Variants in DICER1 observed in about 807,000 individuals in gnomAD.
DICER1 encodes the protein endoribonuclease Dicer.
In DICER1, 43 loss-of-function variants were observed where a neutral mutation model predicts 194.1. That is an observed-to-expected ratio of 0.22 (90% CI 0.17 to 0.29). DICER1 has a LOEUF of 0.29. DICER1 is among the 10% of genes least tolerant of loss of function. The pLI is 1.00. For missense variants in DICER1, 1,608 were observed against 2,317.0 expected (o/e 0.69, Z 6.28); for synonymous variants, 832 against 820.5 (o/e 1.01, Z -0.24).
intron 6 of DICER1, 191 bp downstream of exon 6, chr14:95,129,281 G>A (rs1373729337): frequency 7.0e-6 from 4 of 574,450 alleles, no homozygotes; most frequent in African/African-American, 1.9e-5. Context: ...GCTACTCTCT[G>A]TGGAAACAAC....
intron 1 of DICER1, among the ~76,000 whole-genome samples, chr14:95,139,006 A>T (rs1351127368): frequency 1.3e-5 from 2 of 151,360 alleles, no homozygotes; most frequent in Non-Finnish European, 3.0e-5. Context: ...AAAAAAAAAA[A>T]AAAAGAATGC....
chr14:95,125,687 A>C (rs1175521850), intron 7 of DICER1, among the ~76,000 whole-genome samples: 1 of 33,262 alleles, frequency 3.0e-5, no homozygotes, highest in African/African-American at 1.5e-4. Flanking sequence ...GGGGACAGGG[A>C]GGGGGAGGAG....
In DICER1 at chr14:95,117,659, T is replaced by C. The variant is rs2140137627; in HGVS notation, c.1472A>G (p.Asn491Ser). ...GHGIGKNQPRNKQMEAEFRKQ... is the reference protein window; with the variant it reads ...GHGIGKNQPRSKQMEAEFRKQ... ...TCTGAATTCTGCTTCCATCTGTTTG[T>C]TGCGAGGCTGATTCTTCCCAATGCC... The change falls in exon 9 of 27, where the codon AAC becomes AGC. Residue 491 changes from asparagine (N) to serine (S), a missense_variant. Coordinates refer to ENST00000343455, the MANE Select transcript of DICER1 (RefSeq NM_177438.3). 1.2e-6 allele frequency: 2 copies of C among 1,614,122 alleles called. No homozygotes were observed. The highest frequency in any genetic ancestry group is 1.7e-6 in the Non-Finnish European group (2 of 1,179,964).
intron 1 of DICER1, chr14:95,140,767 T>C (rs1191578147): frequency 2.6e-5 from 4 of 152,156 alleles, no homozygotes; most frequent in African/African-American, 9.6e-5. Flanking sequence ...GCTCTAAAAA[T>C]AAATGCAAAA....
Position 95,088,373 on chromosome 14 carries a change from T to C in DICER1, c.*2125A>G, listed in dbSNP as rs1399827995. On this transcript the variant is annotated 3_prime_UTR_variant, in exon 27 of 27. Transcript: ENST00000343455. ...GAGAATCCCGTAACACTGGGATCAA[T>C]GTATTAGACACAATGCAAAGCCCTA... 6 of 232,520 alleles carry C rather than the reference T, an allele frequency of 2.6e-5. No homozygotes were observed. The highest frequency in any genetic ancestry group is 1.7e-4 in the Admixed American group (3 of 17,756). The allele number at this position is 232,520 out of a possible 1,614,324, so 14.4% of individuals were successfully genotyped here. A position where few individuals can be genotyped will look rare whatever the true frequency, so the allele number is the denominator to read the frequency against.
At chr14:95,149,865 C>A (rs1895399851) in intron 1 of DICER1, among the ~76,000 whole-genome samples, 2 of 152,074 alleles carry the variant, frequency 1.3e-5, no homozygotes, top group Non-Finnish European at 2.9e-5. Context: ...TTTAAACAAC[C>A]CAAATTATTT....
intron 24 of DICER1, among the ~76,000 whole-genome samples, chr14:95,091,919 G>A (rs894098724): frequency 1.3e-5 from 2 of 152,150 alleles, no homozygotes; most frequent in Non-Finnish European, 2.9e-5. Context: ...CCGAGTATCT[G>A]ACATAGCATG....
intron 24 of DICER1, 88 bp from the exon 25 acceptor site, chr14:95,091,453 CT>C (rs1161677503): frequency 2.5e-6 from 3 of 1,209,720 alleles, no homozygotes; most frequent in African/African-American, 3.0e-5. Context: ...GGATATATGA[CT>C]TTTGTTACTT....
intron 24 of DICER1, 53 bp downstream of exon 24, chr14:95,093,833 TAC>T (rs1457202153): frequency 2.5e-5 from 40 of 1,590,872 alleles, no homozygotes; most frequent in Non-Finnish European, 3.2e-5. Flanking sequence ...ACTCTGAAAC[TAC>T]AGAGACTCCT....
At chr14:95,090,954 T>A in intron 26 of DICER1, 80 bp downstream of exon 26, 2 of 1,315,974 alleles carry the variant, frequency 1.5e-6, no homozygotes, top group Non-Finnish European at 2.2e-6. Flanking sequence ...TTCAGAATCA[T>A]TAGTTTACAA....
chr14:95,102,631 A>G (rs926360888), intron 21 of DICER1, among the ~76,000 whole-genome samples: 1 of 152,198 alleles, frequency 6.6e-6, no homozygotes, highest in East Asian at 1.9e-4. Flanking sequence ...GCTGCAAGTG[A>G]TCAGCAGCTT....
rs1357894679 is a variant in DICER1 at position 95,130,258 on chromosome 14, CA to C, written c.439-67del. 11 of 1,484,258 alleles carry C rather than the reference CA, an allele frequency of 7.4e-6. No homozygotes were observed. In the East Asian group the frequency reaches 2.3e-4, roughly 31 times the overall value. 91.9% of individuals were successfully genotyped at this position (1,484,258 alleles called of 1,614,324 possible). On this transcript the variant is annotated intron_variant, in intron 4 of 26. Coordinates refer to ENST00000343455, the MANE Select transcript of DICER1 (RefSeq NM_177438.3). ...CTGCCTGGATATACTTACATAAAAT[CA>C]GATCATAGAGCCATTGTATCATAAG...
rs144050682 is a variant in DICER1 at position 95,138,200 on chromosome 14, AT to A, written c.-45-4698del. ...GTTCCTGGCATTTCAAAGGACAGAG[AT>A]TTTTTTTTTTTCTTAGCAAACACAA... is the stretch of plus-strand genomic sequence containing the variant. On this transcript the variant is annotated intron_variant, in intron 1 of 26. Transcript: ENST00000343455. 9.0e-3 allele frequency among the ~76,000 whole-genome samples: 1,327 copies of A among 147,484 alleles called. 13 individuals carry two copies. The highest frequency in any genetic ancestry group is 0.014 in the Non-Finnish European group (942 of 66,446).
At position 95,111,775 on chromosome 14, in the gene DICER1, G is replaced by GA. The variant is rs201679739; in HGVS notation, c.2117-320dup. 2.5e-3 allele frequency among the ~76,000 whole-genome samples: 255 copies of GA among 103,660 alleles called. 1 individual carries two copies. The highest frequency in any genetic ancestry group is 6.6e-3 in the South Asian group (21 of 3,180). 68.0% of individuals were successfully genotyped at this position (103,660 alleles called of 152,430 possible). On this transcript the variant is annotated intron_variant, in intron 13 of 26. Transcript: ENST00000343455. Reference sequence around the variant, plus strand: ...TCCACTTATACAGGAGCAGGATTGAGAAAAAAAAAAAAAAGAAACTGAGTT... The same window carrying GA: ...TCCACTTATACAGGAGCAGGATTGAGAAAAAAAAAAAAAAAGAAACTGAGTT...
At chr14:95,127,876 T>G (rs1893615362) in intron 6 of DICER1, among the ~76,000 whole-genome samples, 1 of 152,262 alleles carries the variant, frequency 6.6e-6, no homozygotes, top group Admixed American at 6.5e-5. Context: ...TTTGTCAGAA[T>G]GAGGAACAAG....
intron 1 of DICER1, among the ~76,000 whole-genome samples, chr14:95,146,283 T>G (rs905312436): frequency 6.6e-6 from 1 of 152,232 alleles, no homozygotes; most frequent in African/African-American, 2.4e-5. Context: ...TGGCACACTT[T>G]CCTCTGATTG....
At chr14:95,112,312 C>A (rs1566783835) in intron 12 of DICER1, 65 bp from the exon 13 acceptor site, 7 of 1,293,606 alleles carry the variant, frequency 5.4e-6, no homozygotes, top group Non-Finnish European at 6.7e-6. Context: ...GCACATGAAA[C>A]ACCTATGAAA....
At chr14:95,129,970 A>G in intron 5 of DICER1, 88 bp downstream of exon 5, 3 of 1,239,716 alleles carry the variant, frequency 2.4e-6, no homozygotes, top group East Asian at 2.5e-5. Flanking sequence ...TTGATAACTA[A>G]TATTATTGCT....
intron 24 of DICER1, among the ~76,000 whole-genome samples, 178 bp downstream of exon 24, chr14:95,093,710 G>A (rs1269880813): frequency 2.6e-5 from 4 of 152,152 alleles, no homozygotes; most frequent in Admixed American, 2.6e-4. Context: ...GGGCAGACAA[G>A]TTCAAGAGGC....
Sources: allele counts gnomAD v4.1 joint callset (sites outside exome capture counted in the v4.1 genomes callset), GRCh38; gene constraint gnomAD v4.1.1; transcripts MANE v1.5; gene names NCBI Gene and HGNC (gene_info 2026-07-23, HGNC 2026-07-21).